The following GCFC2 variants were observed in gnomAD, a reference collection of about 807,000 sequenced individuals.
GCFC2 encodes GC-rich sequence DNA-binding factor 2.
Under a neutral mutation model 99.4 loss-of-function variants are expected in GCFC2, and 102 were observed. The observed-to-expected ratio is 1.03, with a 90% CI of 0.87 to 1.21. The LOEUF (loss-of-function observed/expected upper bound fraction) is 1.21, where lower values mean the gene tolerates loss of function less well. Among genes scored for constraint, GCFC2 ranks in the 50% most tolerant of loss-of-function variants. The pLI is 0.00. For synonymous variants in GCFC2, 338 were observed against 316.8 expected, an observed-to-expected ratio of 1.07 and a Z score of -0.71; for missense variants, 973 against 920.9, an observed-to-expected ratio of 1.06 and a Z score of -0.73.
At chr2:75,666,539 A>G (rs190061035) in intron 15 of GCFC2, among the ~76,000 whole-genome samples, 1 of 152,290 alleles carries the variant, frequency 6.6e-6, no homozygotes, top group East Asian at 1.9e-4. Flanking sequence ...TTAATCTTCT[A>G]TCAGTGTAAT....
Position 75,673,442 on chromosome 2 carries a change from A to C in GCFC2, c.1889+2T>G. 7.8e-7 allele frequency: 1 copy of C among 1,290,018 alleles called. No homozygotes were observed. Among genetic ancestry groups the C allele is most frequent in the South Asian group, 1.2e-5 (1 of 83,880 alleles). The allele number at this position is 1,290,018 out of a possible 1,614,324, so 79.9% of individuals were successfully genotyped here. On this transcript the variant is annotated splice_donor_variant, in intron 13 of 16. Transcript: ENST00000321027. LOFTEE classifies it high-confidence loss of function. ...AACAATCTAGAAATTAACAGCGCTT[A>C]CCTCTTTGGATACAGAGGAATAAAA...
intron 15 of GCFC2, among the ~76,000 whole-genome samples, chr2:75,667,858 A>C (rs903244221): frequency 2.6e-5 from 4 of 152,178 alleles, no homozygotes; most frequent in Non-Finnish European, 5.9e-5. Context: ...ACAACATTAC[A>C]TGGATGATGA....
At chr2:75,702,111 G>GA in intron 3 of GCFC2, 88 bp downstream of exon 3, 1 of 1,522,364 alleles carries the variant, frequency 6.6e-7, no homozygotes, top group African/African-American at 1.4e-5. Context: ...TAAAATGTGA[G>GA]CCAGCATATT....
At chr2:75,682,066 G>T (rs1220784128) in intron 11 of GCFC2, among the ~76,000 whole-genome samples, 1 of 151,930 alleles carries the variant, frequency 6.6e-6, no homozygotes, top group Non-Finnish European at 1.5e-5. Flanking sequence ...GACAGCAGTG[G>T]TTCTCTCAGC....
intron 12 of GCFC2, chr2:75,679,990 A>G (rs544805083): frequency 1.7e-5 from 8 of 472,362 alleles, no homozygotes; most frequent in African/African-American, 9.9e-5. Flanking sequence ...GATAAAAAAT[A>G]GCCAAGTCCA....
chr2:75,708,857 T>C (rs1680986948), intron 1 of GCFC2, among the ~76,000 whole-genome samples: 1 of 152,162 alleles, frequency 6.6e-6, no homozygotes, highest in South Asian at 2.1e-4. Context: ...TGAGCTGTGT[T>C]ATATTAAAGC....
Position 75,680,274 on chromosome 2 carries a change from C to T in GCFC2, c.1731G>A (p.Gln577=), listed in dbSNP as rs1679515465. The T allele has an allele frequency of 6.2e-7, 1 of 1,608,324 alleles. No individual in the cohort carries two copies. Among genetic ancestry groups the T allele is most frequent in the Non-Finnish European group, 8.5e-7 (1 of 1,175,018 alleles). ...TGCAATGTGTTATTAAACTTGTTGT[C>T]TGTGAGGTTGACAAAGGATCCCAAA... ...EFLWDPLSTS[Q]TTSLITHCRV... is the part of the protein sequence containing the mutation. Residue 577 remains glutamine, a synonymous_variant, in exon 12 of 17, where the codon CAG becomes CAA. Transcript: ENST00000321027.
At chr2:75,710,247 T>C (rs1034358194) in intron 1 of GCFC2, among the ~76,000 whole-genome samples, 1 of 152,218 alleles carries the variant, frequency 6.6e-6, no homozygotes, top group Non-Finnish European at 1.5e-5. Context: ...AATAGTATTA[T>C]AAATTATTGA....
chr2:75,690,710 T>C lies in GCFC2; in HGVS notation c.1154A>G (p.Glu385Gly), dbSNP rs1334446948. The change falls in exon 8 of 17, where the codon GAG becomes GGG. Residue 385 changes from glutamate to glycine, a missense_variant. Transcript: ENST00000321027. ...TGAGAAGTTTCCACTTGTGGATGTCTCATCTTTGCCTGTTAATAAATAAAA... is the reference window on the plus strand; with the variant it reads ...TGAGAAGTTTCCACTTGTGGATGTCCCATCTTTGCCTGTTAATAAATAAAA... ...TYLQQLSRKD[E>G]TSTSGNFSVD... is the part of the protein sequence containing the mutation. 1.3e-6 allele frequency: 2 copies of C among 1,523,066 alleles called. No homozygotes were observed. Among genetic ancestry groups the C allele is most frequent in the South Asian group, 2.3e-5 (2 of 85,814 alleles). The allele number at this position is 1,523,066 out of a possible 1,614,324, so 94.3% of individuals were successfully genotyped here. A position where few individuals can be genotyped will look rare whatever the true frequency, so the allele number is the denominator to read the frequency against.
chr2:75,708,916 A>G (rs1352494895), intron 1 of GCFC2, among the ~76,000 whole-genome samples: 2 of 152,188 alleles, frequency 1.3e-5, no homozygotes, highest in Non-Finnish European at 2.9e-5. Flanking sequence ...CGTCTTAATC[A>G]TGTATCTGTC....
Sources: allele counts gnomAD v4.1 joint callset (sites outside exome capture counted in the v4.1 genomes callset), GRCh38; gene constraint gnomAD v4.1.1; transcripts MANE v1.5; gene names NCBI Gene and HGNC (gene_info 2026-07-23, HGNC 2026-07-21).